GTF2F2: variants seen among roughly 807,000 people sequenced by gnomAD.
The protein encoded by GTF2F2 is general transcription factor IIF subunit 2, also known as ATP-dependent helicase GTF2F2.
A neutral mutation model predicts 42.2 loss-of-function variants in GTF2F2; 23 were observed. That is an observed-to-expected ratio of 0.55 (90% CI 0.39 to 0.77). The LOEUF is 0.77. Among genes scored for constraint, GTF2F2 ranks in the 30% least tolerant of loss-of-function variants. The pLI is 0.00. For missense variants in GTF2F2, 261 were observed against 287.2 expected (o/e 0.91, Z 0.66); for synonymous variants, 105 against 100.8 (o/e 1.04, Z -0.25).
At chr13:45,245,698 T>TAC (rs1387578422) in intron 5 of GTF2F2, among the ~76,000 whole-genome samples, 18 of 61,966 alleles carry the variant, frequency 2.9e-4, no homozygotes, top group Non-Finnish European at 4.0e-4. Flanking sequence ...TATATATATA[T>TAC]ATACATATAC....
chr13:45,149,293 G>C (rs1025048769), intron 2 of GTF2F2, among the ~76,000 whole-genome samples: 11 of 151,066 alleles, frequency 7.3e-5, no homozygotes, highest in African/African-American at 2.4e-4. Context: ...AAATACAGAA[G>C]TTAGCTGGGT....
At chr13:45,222,831 C>T (rs1430821845) in intron 5 of GTF2F2, among the ~76,000 whole-genome samples, 8 of 152,180 alleles carry the variant, frequency 5.3e-5, no homozygotes, top group South Asian at 4.1e-4. Flanking sequence ...AAACCTGCTT[C>T]GTGAACTATG....
chr13:45,164,294 A>C (rs1313376526), intron 4 of GTF2F2, among the ~76,000 whole-genome samples: 12 of 151,956 alleles, frequency 7.9e-5, no homozygotes, highest in Admixed American at 2.6e-4. Context: ...AAAAAAAGAG[A>C]AAGGTAGTCT....
intron 5 of GTF2F2, among the ~76,000 whole-genome samples, chr13:45,249,132 C>T (rs573954884): frequency 6.6e-6 from 1 of 152,110 alleles, no homozygotes; most frequent in African/African-American, 2.4e-5. Context: ...ATGGAGTTGC[C>T]AGTTGTTCTT....
chr13:45,196,619 A>G (rs935365832), intron 4 of GTF2F2, among the ~76,000 whole-genome samples: 5 of 152,106 alleles, frequency 3.3e-5, no homozygotes, highest in Non-Finnish European at 7.4e-5. Context: ...TCTTTTTTTG[A>G]ACTTTATAGG....
intron 4 of GTF2F2, among the ~76,000 whole-genome samples, chr13:45,197,033 T>G (rs766027832): frequency 6.6e-6 from 1 of 151,920 alleles, no homozygotes; most frequent in Non-Finnish European, 1.5e-5. Flanking sequence ...TGATTGTTTT[T>G]TCTCACTCTA....
intron 5 of GTF2F2, among the ~76,000 whole-genome samples, chr13:45,249,554 G>GT (rs1313335755): frequency 6.6e-6 from 1 of 152,154 alleles, no homozygotes; most frequent in Non-Finnish European, 1.5e-5. Context: ...AAATTCAAGT[G>GT]TAAGAGTGTG....
At chr13:45,253,471 C>T (rs1383222645) in intron 6 of GTF2F2, among the ~76,000 whole-genome samples, 1 of 152,194 alleles carries the variant, frequency 6.6e-6, no homozygotes, top group Non-Finnish European at 1.5e-5. Context: ...TGGTCTCATA[C>T]TACCATGCAA....
chr13:45,165,436 T>C (rs1175154275), intron 4 of GTF2F2, among the ~76,000 whole-genome samples: 1 of 151,408 alleles, frequency 6.6e-6, no homozygotes. Flanking sequence ...TAAAGATTCA[T>C]ATACAGTAAA....
chr13:45,154,314 C>T (rs1205068722), intron 4 of GTF2F2, among the ~76,000 whole-genome samples: 1 of 152,146 alleles, frequency 6.6e-6, no homozygotes, highest in Non-Finnish European at 1.5e-5. Context: ...ATTTGTTAGC[C>T]TCAAAATTAG....
intron 5 of GTF2F2, among the ~76,000 whole-genome samples, chr13:45,247,479 G>A (rs761690897): frequency 4.0e-5 from 6 of 151,432 alleles, no homozygotes; most frequent in South Asian, 2.1e-4. Flanking sequence ...TGCAACCTCC[G>A]CCTCCTGGCT....
chr13:45,150,815 A>C (rs1054570284), intron 3 of GTF2F2, among the ~76,000 whole-genome samples: 10 of 152,020 alleles, frequency 6.6e-5, no homozygotes, highest in South Asian at 4.2e-4. Context: ...AGGTGCTGGG[A>C]TTACAGGTGT....
intron 4 of GTF2F2, among the ~76,000 whole-genome samples, chr13:45,176,173 G>A (rs1368243755): frequency 6.6e-6 from 1 of 152,098 alleles, no homozygotes; most frequent in African/African-American, 2.4e-5. Flanking sequence ...TAATTTCTAA[G>A]TGTGGACTTT....
At chr13:45,137,115 T>C (rs1869670389) in intron 2 of GTF2F2, among the ~76,000 whole-genome samples, 1 of 152,208 alleles carries the variant, frequency 6.6e-6, no homozygotes, top group Non-Finnish European at 1.5e-5. Flanking sequence ...GTCTGCCTCC[T>C]TGAGCAGGTT....
At chr13:45,179,054 A>G (rs979161768) in intron 4 of GTF2F2, among the ~76,000 whole-genome samples, 2 of 152,176 alleles carry the variant, frequency 1.3e-5, no homozygotes, top group Non-Finnish European at 2.9e-5. Context: ...CAAGAAAGCA[A>G]AAGCAAAAGC....
intron 5 of GTF2F2, among the ~76,000 whole-genome samples, chr13:45,246,663 T>C (rs1477906588): frequency 1.3e-5 from 2 of 152,226 alleles, no homozygotes; most frequent in African/African-American, 4.8e-5. Flanking sequence ...TCATTAATCT[T>C]AGGATTTAAA....
chr13:45,259,359 G>A (rs895532483), intron 6 of GTF2F2, among the ~76,000 whole-genome samples: 1 of 152,082 alleles, frequency 6.6e-6, no homozygotes, highest in Admixed American at 6.5e-5. Context: ...CCGGGAGGCG[G>A]AGGTTGCAGT....
chr13:45,247,769 C>T (rs943969978), intron 5 of GTF2F2, among the ~76,000 whole-genome samples: 2 of 152,106 alleles, frequency 1.3e-5, no homozygotes, highest in African/African-American at 4.8e-5. Flanking sequence ...TCAAGCTTCA[C>T]CAACTTGAAT....
chr13:45,133,151 A>G (rs1869450433), intron 1 of GTF2F2, among the ~76,000 whole-genome samples: 1 of 152,182 alleles, frequency 6.6e-6, no homozygotes, highest in South Asian at 2.1e-4. Context: ...AGATGGGGCA[A>G]GGGAATGATT....
Sources: allele counts gnomAD v4.1 joint callset (sites outside exome capture counted in the v4.1 genomes callset), GRCh38; gene constraint gnomAD v4.1.1; transcripts MANE v1.5; gene names NCBI Gene and HGNC (gene_info 2026-07-23, HGNC 2026-07-21).